The following MAP3K3 variants were observed in gnomAD, a reference collection of about 807,000 sequenced individuals.
MAP3K3 encodes mitogen-activated protein kinase kinase kinase 3.
Under a neutral mutation model 80.9 loss-of-function variants are expected in MAP3K3, and 12 were observed. That is an observed-to-expected ratio of 0.15 (90% CI 0.10 to 0.24). The LOEUF (loss-of-function observed/expected upper bound fraction) is 0.24, where lower values mean the gene tolerates loss of function less well. Among genes scored for constraint, MAP3K3 ranks in the 10% least tolerant of loss-of-function variants. MAP3K3 has a pLI of 1.00. For missense variants in MAP3K3, 596 were observed against 834.7 expected (o/e 0.71, Z 3.52); for synonymous variants, 272 against 307.1 (o/e 0.89, Z 1.19).
intron 3 of MAP3K3, among the ~76,000 whole-genome samples, chr17:63,648,299 A>T (rs116745864): frequency 6.6e-6 from 1 of 152,150 alleles, no homozygotes; most frequent in South Asian, 2.1e-4. Flanking sequence ...TCCTTTTTCA[A>T]TAGTGTGCTA....
chr17:63,644,005 AACTT>A (rs2034494900), intron 2 of MAP3K3, among the ~76,000 whole-genome samples: 2 of 152,124 alleles, frequency 1.3e-5, no homozygotes, highest in African/African-American at 4.8e-5. Context: ...ACCTTGGGGG[AACTT>A]ACTTAATCTT....
rs113456141 is a variant in MAP3K3 at position 63,660,565 on chromosome 17, A to ATTCTTCTTC, written c.381+2676_381+2684dup. On this transcript the variant is annotated intron_variant, in intron 5 of 15. Transcript: ENST00000361733. ...TGTGCTATCTCTTTCTTCTCTTTGG[A>ATTCTTCTTC]TTCTTCTTCTTCTTCTTCTTCTTCT... Among the ~76,000 whole-genome samples the ATTCTTCTTC allele has an allele frequency of 8.3e-3, 1,193 of 144,284 alleles. 19 individuals carry two copies. The highest frequency in any genetic ancestry group is 0.029 in the African/African-American group (1,114 of 38,926). 94.7% of individuals were successfully genotyped at this position (144,284 alleles called of 152,430 possible).
intron 2 of MAP3K3, among the ~76,000 whole-genome samples, chr17:63,635,844 T>G (rs2034311936): frequency 6.6e-6 from 1 of 152,188 alleles, no homozygotes; most frequent in African/African-American, 2.4e-5. Flanking sequence ...CAAAACCTAA[T>G]TTAAATGGTG....
rs965365067 is a variant in MAP3K3, at chr17:63,684,649, A to T, written c.637-868A>T. On this transcript the variant is annotated intron_variant, in intron 7 of 15. Coordinates refer to ENST00000361733, the MANE Select transcript of MAP3K3 (RefSeq NM_002401.5). ...ACTTTGTTTCCCTATGTAATTTTTT[A>T]AAATTAATTAAAAAAATATTTAAAC... 3.3e-5 allele frequency among the ~76,000 whole-genome samples: 5 copies of T among 152,308 alleles called. No individual in the cohort carries two copies. The East Asian group carries it at 7.7e-4, about 23-fold the overall frequency.
At chr17:63,673,809 C>T (rs1176936427) in intron 6 of MAP3K3, among the ~76,000 whole-genome samples, 3 of 152,138 alleles carry the variant, frequency 2.0e-5, no homozygotes, top group Non-Finnish European at 4.4e-5. Flanking sequence ...TACTCGGCTG[C>T]TGAGGCAGGA....
chr17:63,652,457 C>T, intron 3 of MAP3K3, 100 bp from the exon 4 acceptor site: 1 of 770,884 alleles, frequency 1.3e-6, no homozygotes, highest in Non-Finnish European at 2.2e-6. Context: ...AAACAGAATC[C>T]TATGTTGAGA....
intron 8 of MAP3K3, 164 bp from the exon 9 acceptor site, chr17:63,688,363 G>A: frequency 3.1e-6 from 2 of 649,100 alleles, no homozygotes; most frequent in Admixed American, 2.3e-5. Flanking sequence ...GTGAAGGGAG[G>A]GTGGAGAAAG....
chr17:63,677,853 C>G (rs8067438), intron 6 of MAP3K3, among the ~76,000 whole-genome samples: 5,170 of 152,110 alleles, frequency 0.034, 313 homozygotes, highest in African/African-American at 0.12. Context: ...AAGAAAGATA[C>G]ATGGCACTGT....
intron 1 of MAP3K3, 121 bp downstream of exon 1, chr17:63,622,884 C>T (rs964568969): frequency 6.2e-6 from 1 of 160,884 alleles, no homozygotes; most frequent in African/African-American, 2.4e-5. Context: ...CGGCCCGGGG[C>T]TGCGGACCGC....
chr17:63,646,662 T>A (rs1222312694), intron 3 of MAP3K3, among the ~76,000 whole-genome samples: 2 of 152,222 alleles, frequency 1.3e-5, no homozygotes, highest in African/African-American at 2.4e-5. Flanking sequence ...AAAGTAGTGT[T>A]ACAAAACTCT....
chr17:63,650,658 TAGAGAGAGAGAGAGAGAG>T (rs61412799), intron 3 of MAP3K3, among the ~76,000 whole-genome samples: 5 of 117,234 alleles, frequency 4.3e-5, no homozygotes, highest in Admixed American at 2.7e-4. Context: ...CTGTCTCTTA[TAGAGAGAGAGAGAGAGAG>T]AGAGAGAGAG....
chr17:63,646,100 T>A, intron 3 of MAP3K3, 26 bp downstream of exon 3: 1 of 1,610,618 alleles, frequency 6.2e-7, no homozygotes. Context: ...GATGAGTAGC[T>A]GTGTTCATGT....
At chr17:63,649,298 G>T (rs930751828) in intron 3 of MAP3K3, among the ~76,000 whole-genome samples, 1 of 152,018 alleles carries the variant, frequency 6.6e-6, no homozygotes, top group African/African-American at 2.4e-5. Context: ...TTAGCTGGGT[G>T]TGGTGGTGCA....
intron 4 of MAP3K3, 84 bp downstream of exon 4, chr17:63,652,740 T>G (rs1465572434): frequency 2.8e-5 from 24 of 870,616 alleles, no homozygotes; most frequent in Non-Finnish European, 3.9e-5. Flanking sequence ...CTTTAAAGTT[T>G]GTTCCTCTAA....
At chr17:63,639,884 A>C (rs2034406648) in intron 2 of MAP3K3, among the ~76,000 whole-genome samples, 1 of 152,150 alleles carries the variant, frequency 6.6e-6, no homozygotes, top group Non-Finnish European at 1.5e-5. Context: ...AGCTTTATAC[A>C]TTTATAAATG....
intron 1 of MAP3K3, among the ~76,000 whole-genome samples, chr17:63,629,941 T>C (rs532505334): frequency 6.6e-6 from 1 of 152,344 alleles, no homozygotes; most frequent in East Asian, 1.9e-4. Context: ...TCTTCAGTCA[T>C]ACTTGTGGAT....
At chr17:63,638,843 G>A (rs916983611) in intron 2 of MAP3K3, among the ~76,000 whole-genome samples, 2 of 151,794 alleles carry the variant, frequency 1.3e-5, no homozygotes, top group African/African-American at 2.4e-5. Flanking sequence ...CCTGGCCAAC[G>A]TGGTGAAACC....
Position 63,689,110 on chromosome 17 carries a change from G to C in MAP3K3, c.871+229G>C. On this transcript the variant is annotated intron_variant, in intron 10 of 15. Coordinates refer to ENST00000361733, the MANE Select transcript of MAP3K3 (RefSeq NM_002401.5). The surrounding 1 kb of genome is among the most constrained non-coding windows in gnomAD (Gnocchi z 4.3). ...ACTCTGACCTTGTTTGAAGCCAGTG[G>C]TGTGCTCCAGGGGCACCATCTCTCC... 3 of 587,832 alleles carry C rather than the reference G, an allele frequency of 5.1e-6. No individual in the cohort carries two copies. The South Asian group carries it at 6.0e-5, about 12-fold the overall frequency. The allele number at this position is 587,832 out of a possible 1,614,324, so 36.4% of individuals were successfully genotyped here.
At chr17:63,623,021 C>G (rs1272211797) in intron 1 of MAP3K3, among the ~76,000 whole-genome samples, 2 of 150,534 alleles carry the variant, frequency 1.3e-5, no homozygotes, top group African/African-American at 4.9e-5. Flanking sequence ...GGGCGCATCC[C>G]GGGGAAGCGG....
Sources: gnomAD v4.1 joint callset for allele counts (sites outside exome capture counted in the v4.1 genomes callset) on GRCh38, gnomAD v4.1.1 for gene constraint, Gnocchi (gnomAD v3.1) non-coding constraint, MANE v1.5 for transcripts, NCBI Gene and HGNC (gene_info 2026-07-23, HGNC 2026-07-21) for gene names.